RIT2: variants seen among roughly 807,000 people sequenced by gnomAD.
The protein encoded by RIT2 is Ras like without CAAX 2.
RIT2 carries 24 observed loss-of-function variants against 23.7 expected under a neutral mutation model. The observed-to-expected ratio is 1.01, with a 90% CI of 0.73 to 1.43. RIT2 has a LOEUF of 1.43. RIT2 is among the 40% of genes most tolerant of loss of function. The pLI is 0.00. For missense variants in RIT2, 236 were observed against 266.9 expected (o/e 0.88, Z 0.81); for synonymous variants, 107 against 91.1 (o/e 1.17, Z -0.99).
chr18:43,042,169 C>T (rs1284042448), intron 1 of RIT2, among the ~76,000 whole-genome samples: 1 of 152,122 alleles, frequency 6.6e-6, no homozygotes, highest in South Asian at 2.1e-4. Flanking sequence ...GATTTAGCCC[C>T]ATTTGTCTTG....
chr18:42,947,515 GTC>G (rs1909755484), intron 3 of RIT2, among the ~76,000 whole-genome samples: 1 of 152,046 alleles, frequency 6.6e-6, no homozygotes, highest in Admixed American at 6.6e-5. Context: ...GCCATTTCAT[GTC>G]TCTGATTTTG....
At chr18:42,948,577 G>C (rs1909779192) in intron 3 of RIT2, among the ~76,000 whole-genome samples, 1 of 152,094 alleles carries the variant, frequency 6.6e-6, no homozygotes, top group South Asian at 2.1e-4. Flanking sequence ...AAATGGACCT[G>C]AGCAGAATGC....
intron 4 of RIT2, among the ~76,000 whole-genome samples, chr18:42,915,762 T>G (rs1169942952): frequency 6.6e-6 from 1 of 151,990 alleles, no homozygotes; most frequent in African/African-American, 2.4e-5. Context: ...AAAACTAGAT[T>G]GAATCTGTAA....
chr18:42,906,381 G>A (rs983873240), intron 4 of RIT2, among the ~76,000 whole-genome samples: 1 of 151,964 alleles, frequency 6.6e-6, no homozygotes, highest in Non-Finnish European at 1.5e-5. Flanking sequence ...TCATAAAACT[G>A]CTTAAATCAT....
rs1416911994 is a variant in RIT2, at chr18:42,889,315, G to A, written c.426+34257C>T. Among the ~76,000 whole-genome samples the A allele has an allele frequency of 2.0e-5, 3 of 151,894 alleles. No individual in the cohort carries two copies. The East Asian group carries it at 5.8e-4, about 29-fold the overall frequency. ...ATCAACATACAGGTGTAGTATTTAA[G>A]TTAACATAAACAACTTCTTTAGAAT... On this transcript the variant is annotated intron_variant, in intron 4 of 4. Coordinates refer to ENST00000326695, the MANE Select transcript of RIT2 (RefSeq NM_002930.4).
chr18:42,857,968 G>A (rs1278947979), intron 4 of RIT2, among the ~76,000 whole-genome samples: 1 of 152,124 alleles, frequency 6.6e-6, no homozygotes, highest in Non-Finnish European at 1.5e-5. Flanking sequence ...ATCATCTGAG[G>A]TCAGGAGTTC....
intron 4 of RIT2, among the ~76,000 whole-genome samples, chr18:42,766,584 A>G (rs996014874): frequency 1.3e-5 from 2 of 152,242 alleles, no homozygotes; most frequent in African/African-American, 4.8e-5. Context: ...ATGCGATAGA[A>G]AGAAAACCCC....
chr18:42,891,704 G>T (rs1245722083), intron 4 of RIT2, among the ~76,000 whole-genome samples: 1 of 152,124 alleles, frequency 6.6e-6, no homozygotes, highest in Non-Finnish European at 1.5e-5. Flanking sequence ...CAACTATGGA[G>T]ACAATGAAAA....
chr18:43,038,546 A>T (rs2144290752), intron 1 of RIT2, among the ~76,000 whole-genome samples: 1 of 152,006 alleles, frequency 6.6e-6, no homozygotes, highest in East Asian at 1.9e-4. Context: ...TTTGTCCCTT[A>T]TTTCTCAGAT....
At chr18:42,844,955 G>C (rs1305617637) in intron 4 of RIT2, among the ~76,000 whole-genome samples, 2 of 152,162 alleles carry the variant, frequency 1.3e-5, no homozygotes, top group African/African-American at 4.8e-5. Context: ...AAGTAATCAA[G>C]GGTAATATTT....
intron 3 of RIT2, among the ~76,000 whole-genome samples, chr18:42,954,249 C>T (rs1598728602): frequency 1.3e-5 from 2 of 151,634 alleles, no homozygotes; most frequent in South Asian, 4.2e-4. Context: ...ATAGTGGCAG[C>T]ACCTGTAATC....
chr18:42,810,777 C>G (rs115122082), intron 4 of RIT2, among the ~76,000 whole-genome samples: 2 of 152,092 alleles, frequency 1.3e-5, no homozygotes, highest in African/African-American at 4.8e-5. Context: ...AATGCCTTCT[C>G]ACTAATTCCA....
intron 1 of RIT2, among the ~76,000 whole-genome samples, chr18:43,104,753 T>C (rs957503540): frequency 6.6e-6 from 1 of 151,962 alleles, no homozygotes; most frequent in Non-Finnish European, 1.5e-5. Context: ...TTAGCTGAAG[T>C]TTTTACAATT....
At chr18:42,892,947 C>G (rs929392256) in intron 4 of RIT2, among the ~76,000 whole-genome samples, 1 of 152,090 alleles carries the variant, frequency 6.6e-6, no homozygotes. Context: ...CTCTATCCAG[C>G]TTTGAATCAA....
intron 4 of RIT2, among the ~76,000 whole-genome samples, chr18:42,873,182 T>C (rs8093756): frequency 0.13 from 19,830 of 152,162 alleles, 1,335 homozygotes; most frequent in Middle Eastern, 0.26. Flanking sequence ...GAGAATGTTG[T>C]TGGGCAATAA....
At chr18:43,093,008 T>C (rs1913461690) in intron 1 of RIT2, among the ~76,000 whole-genome samples, 1 of 152,064 alleles carries the variant, frequency 6.6e-6, no homozygotes, top group Non-Finnish European at 1.5e-5. Flanking sequence ...AGGGTTATAA[T>C]TTCTACACAA....
At chr18:42,797,105 C>G (rs941796823) in intron 4 of RIT2, among the ~76,000 whole-genome samples, 1 of 152,120 alleles carries the variant, frequency 6.6e-6, no homozygotes, top group Admixed American at 6.5e-5. Context: ...CATCTATACA[C>G]CAGGCCCTCA....
At chr18:43,012,700 A>T (rs570901838) in intron 2 of RIT2, among the ~76,000 whole-genome samples, 1 of 148,288 alleles carries the variant, frequency 6.7e-6, no homozygotes, top group East Asian at 2.0e-4. Flanking sequence ...TAGTATGATT[A>T]TAGAGAGTAA....
intron 1 of RIT2, among the ~76,000 whole-genome samples, chr18:43,092,294 A>T (rs1913440994): frequency 6.6e-6 from 1 of 152,154 alleles, no homozygotes; most frequent in Non-Finnish European, 1.5e-5. Flanking sequence ...CTCACGCTCT[A>T]GCACATTTGC....
Sources: gnomAD v4.1 joint callset for allele counts (sites outside exome capture counted in the v4.1 genomes callset) on GRCh38, gnomAD v4.1.1 for gene constraint, MANE v1.5 for transcripts, NCBI Gene and HGNC (gene_info 2026-07-23, HGNC 2026-07-21) for gene names.